Variants in GRIA4 observed in about 807,000 individuals in gnomAD.
The protein encoded by GRIA4 is glutamate ionotropic receptor AMPA type subunit 4.
Under a neutral mutation model 104.0 loss-of-function variants are expected in GRIA4, and 34 were observed. The observed-to-expected ratio is 0.33, with a 90% CI of 0.25 to 0.44. The LOEUF (loss-of-function observed/expected upper bound fraction) is 0.44, where lower values mean the gene tolerates loss of function less well. GRIA4 is among the 20% of genes least tolerant of loss of function. The pLI, the probability that GRIA4 is intolerant of heterozygous loss-of-function variation, is 1.00. For missense variants in GRIA4, 750 were observed against 1,096.5 expected (o/e 0.68, Z 4.46); for synonymous variants, 386 against 381.9 (o/e 1.01, Z -0.13).
intron 3 of GRIA4, among the ~76,000 whole-genome samples, chr11:105,666,378 G>A (rs1298799314): frequency 1.3e-5 from 2 of 151,786 alleles, no homozygotes; most frequent in East Asian, 1.9e-4. Context: ...GAGAGGTAAG[G>A]AAAAGACAAG....
At chr11:105,826,259 C>T (rs1240645254) in intron 4 of GRIA4, among the ~76,000 whole-genome samples, 2 of 151,982 alleles carry the variant, frequency 1.3e-5, no homozygotes, top group Non-Finnish European at 1.5e-5. Flanking sequence ...AGGCATTGCT[C>T]TCACTTTTCA....
intron 4 of GRIA4, among the ~76,000 whole-genome samples, chr11:105,821,465 G>A (rs1300086402): frequency 6.6e-6 from 1 of 151,982 alleles, no homozygotes; most frequent in Non-Finnish European, 1.5e-5. Context: ...TTCTGATGAG[G>A]CTTAAGGAAG....
At chr11:105,741,426 T>C (rs143133269) in intron 3 of GRIA4, among the ~76,000 whole-genome samples, 53 of 152,280 alleles carry the variant, frequency 3.5e-4, no homozygotes, top group East Asian at 2.1e-3. Flanking sequence ...GTTGAAGCTA[T>C]AGAAATGGAT....
intron 6 of GRIA4, among the ~76,000 whole-genome samples, chr11:105,897,232 A>G (rs1210374182): frequency 6.6e-6 from 1 of 152,102 alleles, no homozygotes; most frequent in Non-Finnish European, 1.5e-5. Context: ...TTGGCTATAG[A>G]AATGCAACTG....
chr11:105,697,626 C>A (rs1032659059), intron 3 of GRIA4, among the ~76,000 whole-genome samples: 2 of 152,188 alleles, frequency 1.3e-5, no homozygotes, highest in Admixed American at 6.5e-5. Flanking sequence ...GGAAGCCAAG[C>A]CCCTGTGCTC....
chr11:105,643,652 C>T (rs1265846753), intron 3 of GRIA4, among the ~76,000 whole-genome samples: 1 of 152,114 alleles, frequency 6.6e-6, no homozygotes, highest in Non-Finnish European at 1.5e-5. Context: ...GGTAGTGGTT[C>T]TTCTAACAAA....
chr11:105,875,846 A>T (rs1945799958), intron 5 of GRIA4, among the ~76,000 whole-genome samples: 1 of 150,864 alleles, frequency 6.6e-6, no homozygotes, highest in African/African-American at 2.4e-5. Context: ...CTATTTTGTT[A>T]ATCTTTTAAA....
At chr11:105,826,904 C>T (rs1943790479) in intron 4 of GRIA4, among the ~76,000 whole-genome samples, 1 of 152,040 alleles carries the variant, frequency 6.6e-6, no homozygotes, top group South Asian at 2.1e-4. Flanking sequence ...GCAACCACCA[C>T]CCCAGTTCCT....
chr11:105,683,195 G>A (rs1174069489), intron 3 of GRIA4, among the ~76,000 whole-genome samples: 4 of 151,744 alleles, frequency 2.6e-5, no homozygotes, highest in Admixed American at 2.0e-4. Context: ...TATTTAATGC[G>A]ATTATGTTTA....
At chr11:105,945,557 C>T (rs1188237041) in intron 14 of GRIA4, 3 of 423,878 alleles carry the variant, frequency 7.1e-6, no homozygotes, top group East Asian at 3.1e-4. Context: ...AAGGAAACCC[C>T]TCCCCCACCT....
intron 3 of GRIA4, among the ~76,000 whole-genome samples, chr11:105,674,051 A>G (rs1385027579): frequency 6.6e-6 from 1 of 152,088 alleles, no homozygotes. Flanking sequence ...TACATTTTGC[A>G]TATCAAGTAG....
intron 3 of GRIA4, among the ~76,000 whole-genome samples, chr11:105,734,974 C>G (rs1224045451): frequency 6.6e-6 from 1 of 152,106 alleles, no homozygotes; most frequent in African/African-American, 2.4e-5. Flanking sequence ...GTTGTTATAG[C>G]CACGATGATA....
chr11:105,958,046 G>A (rs1260089722), intron 14 of GRIA4, among the ~76,000 whole-genome samples: 3 of 152,280 alleles, frequency 2.0e-5, no homozygotes, highest in Non-Finnish European at 4.4e-5. Context: ...ATACAATCAT[G>A]TCATCTGCAA....
rs541484701 is a variant in GRIA4 at position 105,714,953 on chromosome 11, G to A, written c.248-38028G>A. On this transcript the variant is annotated intron_variant, in intron 3 of 16. Coordinates refer to ENST00000282499, the MANE Select transcript of GRIA4 (RefSeq NM_000829.4). Reference sequence around the variant, plus strand: ...ACCATCAGCTTTTCTGGTCTCCAGTGTAAGAGCTTCACCTTCAACCAGTAA... The same window carrying A: ...ACCATCAGCTTTTCTGGTCTCCAGTATAAGAGCTTCACCTTCAACCAGTAA... 1.8e-3 allele frequency among the ~76,000 whole-genome samples: 276 copies of A among 152,226 alleles called. 12 individuals are homozygous for A. In the South Asian group the frequency reaches 0.055, roughly 30 times the overall value.
intron 14 of GRIA4, among the ~76,000 whole-genome samples, chr11:105,944,846 G>GA (rs201483314): frequency 2.4e-4 from 35 of 148,570 alleles, no homozygotes; most frequent in African/African-American, 3.0e-4. Flanking sequence ...GACAAATTAA[G>GA]AAAAAAAAAA....
chr11:105,750,907 G>A (rs1049142378), intron 3 of GRIA4, among the ~76,000 whole-genome samples: 2 of 152,082 alleles, frequency 1.3e-5, no homozygotes, highest in African/African-American at 4.8e-5. Context: ...AAAGCTACAT[G>A]AGTACTTCCA....
Position 105,957,417 on chromosome 11 carries a change from T to A in GRIA4, c.2295-14497T>A, listed in dbSNP as rs561869321. On this transcript the variant is annotated intron_variant, in intron 14 of 16. Coordinates refer to ENST00000282499, the MANE Select transcript of GRIA4 (RefSeq NM_000829.4). ...GTCAGGTTTGTCAAAGATCAGATAGTTGTAGATATGCGGCATTATTTCTGA... is the reference window on the plus strand; with the variant it reads ...GTCAGGTTTGTCAAAGATCAGATAGATGTAGATATGCGGCATTATTTCTGA... Among the ~76,000 whole-genome samples, 143 of 152,342 alleles carry A rather than the reference T, an allele frequency of 9.4e-4. 2 individuals are homozygous for A. Among genetic ancestry groups the A allele is most frequent in the African/African-American group, 3.2e-3 (132 of 41,578 alleles).
intron 14 of GRIA4, among the ~76,000 whole-genome samples, chr11:105,962,392 T>C (rs1166296678): frequency 6.6e-6 from 1 of 152,204 alleles, no homozygotes; most frequent in Non-Finnish European, 1.5e-5. Flanking sequence ...TTTACATATG[T>C]TAGTTCCCAT....
At chr11:105,615,313 GT>G (rs747591559) in intron 3 of GRIA4, among the ~76,000 whole-genome samples, 1 of 151,820 alleles carries the variant, frequency 6.6e-6, no homozygotes, top group Non-Finnish European at 1.5e-5. Context: ...TGTGTATAGA[GT>G]TTACATGCTC....
Sources: allele counts gnomAD v4.1 joint callset (sites outside exome capture counted in the v4.1 genomes callset), GRCh38; gene constraint gnomAD v4.1.1; transcripts MANE v1.5; gene names NCBI Gene and HGNC (gene_info 2026-07-23, HGNC 2026-07-21).